Variants in NAALADL2 observed in about 807,000 individuals in gnomAD.
The protein encoded by NAALADL2 is N-acetylated alpha-linked acidic dipeptidase like 2.
A neutral mutation model predicts 87.2 loss-of-function variants in NAALADL2; 76 were observed. The observed-to-expected ratio is 0.87, with a 90% CI of 0.72 to 1.05. The LOEUF is 1.05. Ranked by LOEUF, NAALADL2 falls within the 50% of genes least tolerant of loss-of-function variation. The pLI, the probability that NAALADL2 is intolerant of heterozygous loss-of-function variation, is 0.00. For missense variants in NAALADL2, 1,089 were observed against 945.8 expected (o/e 1.15, Z -1.99); for synonymous variants, 354 against 331.0 (o/e 1.07, Z -0.75).
intron 1 of NAALADL2, among the ~76,000 whole-genome samples, chr3:174,456,501 G>A (rs1350343176): frequency 6.6e-6 from 1 of 150,886 alleles, no homozygotes. Flanking sequence ...AAACAGCATG[G>A]CACTGGTACA....
chr3:174,688,018 T>C (rs1728205609), intron 2 of NAALADL2, among the ~76,000 whole-genome samples: 1 of 152,194 alleles, frequency 6.6e-6, no homozygotes, highest in South Asian at 2.1e-4. Context: ...CAGTCTTAGG[T>C]ATGTCTTTAT....
intron 3 of NAALADL2, among the ~76,000 whole-genome samples, chr3:175,245,070 A>T (rs1361716105): frequency 6.6e-6 from 1 of 152,048 alleles, no homozygotes; most frequent in Non-Finnish European, 1.5e-5. Context: ...GACTTCCATA[A>T]TTCTGTTTTC....
At chr3:175,121,569 G>T (rs1428000963) in intron 2 of NAALADL2, among the ~76,000 whole-genome samples, 1 of 151,808 alleles carries the variant, frequency 6.6e-6, no homozygotes, top group African/African-American at 2.4e-5. Flanking sequence ...GGAAATAATT[G>T]TTGCTCTTAC....
intron 1 of NAALADL2, among the ~76,000 whole-genome samples, chr3:174,539,200 G>A (rs1721996831): frequency 6.6e-6 from 1 of 151,990 alleles, no homozygotes; most frequent in African/African-American, 2.4e-5. Flanking sequence ...GCAATAACCA[G>A]TATGTCCAAT....
At chr3:175,224,645 A>G (rs575390901) in intron 2 of NAALADL2, among the ~76,000 whole-genome samples, 2 of 152,248 alleles carry the variant, frequency 1.3e-5, no homozygotes, top group African/African-American at 2.4e-5. Context: ...CATTAGGTTC[A>G]GTAGACTAGG....
chr3:174,653,916 C>T (rs1427998152), intron 2 of NAALADL2, among the ~76,000 whole-genome samples: 1 of 152,042 alleles, frequency 6.6e-6, no homozygotes, highest in Non-Finnish European at 1.5e-5. Context: ...GAGTTCTGAG[C>T]TTCTGTGAGT....
Position 175,489,571 on chromosome 3 carries a change from T to G in NAALADL2, c.1653+17813T>G, listed in dbSNP as rs561962240. Among the ~76,000 whole-genome samples, 121 of 152,340 alleles carry G rather than the reference T, an allele frequency of 7.9e-4. 1 individual carries two copies. Among genetic ancestry groups the G allele is most frequent in the Middle Eastern group, 6.8e-3 (2 of 294 alleles). On this transcript the variant is annotated intron_variant, in intron 9 of 13. Transcript: ENST00000454872. ...ACTTTTCAGTTCTGGATCACTGATC[T>G]GAAACCAACAGATGTCATGTCATAA... is the stretch of plus-strand genomic sequence containing the variant.
intron 2 of NAALADL2, among the ~76,000 whole-genome samples, chr3:174,698,334 A>G (rs989314705): frequency 6.6e-6 from 1 of 151,984 alleles, no homozygotes; most frequent in Non-Finnish European, 1.5e-5. Flanking sequence ...TTTTAATTTT[A>G]CCCTAATTCT....
chr3:175,746,916 A>G (rs1198631699), intron 12 of NAALADL2, among the ~76,000 whole-genome samples: 1 of 152,214 alleles, frequency 6.6e-6, no homozygotes, highest in Non-Finnish European at 1.5e-5. Flanking sequence ...CAAGTTCCTC[A>G]TATAAAATGG....
At chr3:174,904,005 C>CTA (rs1560345408) in intron 1 of NAALADL2, among the ~76,000 whole-genome samples, 9 of 151,434 alleles carry the variant, frequency 5.9e-5, no homozygotes, top group African/African-American at 2.2e-4. Context: ...ATATCTATAT[C>CTA]TATATCTGTA....
At chr3:175,636,215 C>G (rs76899115) in intron 11 of NAALADL2, among the ~76,000 whole-genome samples, 4 of 139,478 alleles carry the variant, frequency 2.9e-5, no homozygotes, top group Non-Finnish European at 6.2e-5. Context: ...TGTGTGTGTG[C>G]GTGTGTGTGC....
At chr3:175,573,315 G>T (rs1291224294) in intron 9 of NAALADL2, among the ~76,000 whole-genome samples, 1 of 152,170 alleles carries the variant, frequency 6.6e-6, no homozygotes, top group Non-Finnish European at 1.5e-5. Flanking sequence ...TCATTAAAGA[G>T]AAAGTAGGTC....
chr3:175,695,751 T>G (rs1737705622), intron 11 of NAALADL2, among the ~76,000 whole-genome samples: 1 of 152,162 alleles, frequency 6.6e-6, no homozygotes, highest in African/African-American at 2.4e-5. Flanking sequence ...GGAGATATTT[T>G]GGAGAATATC....
intron 4 of NAALADL2, among the ~76,000 whole-genome samples, chr3:175,271,578 G>A (rs372784535): frequency 1.3e-5 from 2 of 152,108 alleles, no homozygotes; most frequent in Non-Finnish European, 1.5e-5. Context: ...GATCACCTGA[G>A]GTCAGGAGCT....
chr3:174,815,847 T>TA (rs1344103830), intron 3 of NAALADL2, among the ~76,000 whole-genome samples: 1 of 145,836 alleles, frequency 6.9e-6, no homozygotes, highest in African/African-American at 2.5e-5. Context: ...TTTTTTTTTT[T>TA]TTTTTTTTTT....
chr3:174,595,167 T>G (rs576135809), intron 2 of NAALADL2, among the ~76,000 whole-genome samples: 1 of 152,218 alleles, frequency 6.6e-6, no homozygotes, highest in African/African-American at 2.4e-5. Context: ...ATGTACACAT[T>G]CAGGTCTCAT....
chr3:174,747,621 CAAAAAAAAAAAAA>C (rs150843588), intron 3 of NAALADL2, among the ~76,000 whole-genome samples: 1 of 38,660 alleles, frequency 2.6e-5, no homozygotes, highest in Non-Finnish European at 4.3e-5. Context: ...GACCCCATCT[CAAAAAAAAAAAAA>C]AAAAAAAAAA....
At chr3:175,143,963 C>T (rs1240410114) in intron 2 of NAALADL2, among the ~76,000 whole-genome samples, 1 of 147,054 alleles carries the variant, frequency 6.8e-6, no homozygotes, top group East Asian at 2.0e-4. Flanking sequence ...TTTCTATCTT[C>T]ATGAAAAATT....
At chr3:175,429,897 A>T (rs943718601) in intron 5 of NAALADL2, among the ~76,000 whole-genome samples, 39 of 152,110 alleles carry the variant, frequency 2.6e-4, no homozygotes, top group African/African-American at 9.1e-4. Flanking sequence ...TAATAATAAC[A>T]TTATACAATT....
Sources: gnomAD v4.1 joint callset for allele counts (sites outside exome capture counted in the v4.1 genomes callset) on GRCh38, gnomAD v4.1.1 for gene constraint, MANE v1.5 for transcripts, NCBI Gene and HGNC (gene_info 2026-07-23, HGNC 2026-07-21) for gene names.